SAMD5: variants seen among roughly 807,000 people sequenced by gnomAD.
SAMD5 encodes sterile alpha motif domain-containing protein 5.
In SAMD5, 13 loss-of-function variants were observed where a neutral mutation model predicts 11.3. The observed-to-expected ratio is 1.15, with a 90% CI of 0.75 to 1.83. The LOEUF is 1.83. SAMD5 is among the 40% of genes most tolerant of loss of function. The pLI is 0.00. For synonymous variants in SAMD5, 129 were observed against 111.3 expected (o/e 1.16, Z -1.00); for missense variants, 255 against 239.1 (o/e 1.07, Z -0.44).
chr6:147,681,454 C>T lies in SAMD5; in HGVS notation c.163-55863C>T, dbSNP rs573331096. On this transcript the variant is annotated intron_variant, in intron 1 of 1. Coordinates refer to the SAMD5 transcript ENST00000566741. ...TTGTTCCCTGTTTTCTTGTTTATAT[C>T]AAATATAGTTATAGTAACTCTTTTT... Among the ~76,000 whole-genome samples the T allele has an allele frequency of 3.9e-4, 59 of 152,130 alleles. 1 individual carries two copies. Among genetic ancestry groups the T allele is most frequent in the South Asian group, 2.1e-3 (10 of 4,812 alleles).
chr6:147,951,270 C>T, the SAMD5 span, among the ~76,000 whole-genome samples: 1 of 151,784 alleles, frequency 6.6e-6, no homozygotes, highest in African/African-American at 2.4e-5. Flanking sequence ...CAAGCTCCGC[C>T]TTCCGGGTTC....
chr6:147,934,642 G>A, the SAMD5 span, among the ~76,000 whole-genome samples: 1 of 152,082 alleles, frequency 6.6e-6, no homozygotes, highest in Non-Finnish European at 1.5e-5. Context: ...CAGTGGATGG[G>A]AAAGTGAGAG....
the SAMD5 span, among the ~76,000 whole-genome samples, chr6:147,803,332 C>T: frequency 1.6e-4 from 25 of 152,298 alleles, no homozygotes; most frequent in African/African-American, 6.0e-4. Context: ...AATATATCTT[C>T]AATTCACTCT....
At chr6:147,656,336 C>T (rs1024954946) in intron 1 of SAMD5, among the ~76,000 whole-genome samples, 2 of 152,004 alleles carry the variant, frequency 1.3e-5, no homozygotes, top group African/African-American at 2.4e-5. Context: ...AAATGTGGCT[C>T]CATAAAAATA....
downstream of SAMD5, chr6:147,741,452 G>A (rs1038401233): frequency 6.6e-6 from 1 of 152,126 alleles, no homozygotes; most frequent in Non-Finnish European, 1.5e-5. Flanking sequence ...GTAACATGTT[G>A]GTTTTATTAG....
chr6:147,666,728 G>C (rs560767734), intron 1 of SAMD5, among the ~76,000 whole-genome samples: 1 of 152,314 alleles, frequency 6.6e-6, no homozygotes, highest in Non-Finnish European at 1.5e-5. Context: ...ATACAGGGAA[G>C]TCATCATATT....
chr6:147,936,457 G>T, the SAMD5 span, among the ~76,000 whole-genome samples: 1 of 151,652 alleles, frequency 6.6e-6, no homozygotes, highest in East Asian at 2.0e-4. Flanking sequence ...GGTGGGGGAG[G>T]GGGAGGGATC....
the SAMD5 span, among the ~76,000 whole-genome samples, chr6:147,854,546 G>A: frequency 6.6e-6 from 1 of 152,104 alleles, no homozygotes; most frequent in South Asian, 2.1e-4. Context: ...AAACTGACTT[G>A]CTCTATTGTA....
chr6:147,753,011 G>A, the SAMD5 span, among the ~76,000 whole-genome samples: 1 of 152,170 alleles, frequency 6.6e-6, no homozygotes, highest in Non-Finnish European at 1.5e-5. Flanking sequence ...GCAGTAAACT[G>A]TCAGACTACA....
the SAMD5 span, among the ~76,000 whole-genome samples, chr6:147,789,278 A>C: frequency 2.3e-4 from 33 of 141,106 alleles, no homozygotes; most frequent in Non-Finnish European, 4.5e-4. Flanking sequence ...TCTCTAGAAA[A>C]ACACACACAC....
the SAMD5 span, among the ~76,000 whole-genome samples, chr6:147,926,813 A>C: frequency 2.6e-5 from 4 of 152,124 alleles, no homozygotes; most frequent in Non-Finnish European, 5.9e-5. Context: ...TGGATTTTAC[A>C]TTTAAGTCTT....
At chr6:147,745,870 A>G in the SAMD5 span, among the ~76,000 whole-genome samples, 6 of 146,124 alleles carry the variant, frequency 4.1e-5, no homozygotes, top group African/African-American at 1.5e-4. Flanking sequence ...CCTCCACCTC[A>G]CAGGCTCATT....
the SAMD5 span, among the ~76,000 whole-genome samples, chr6:147,795,325 T>C: frequency 6.9e-6 from 1 of 145,158 alleles, no homozygotes; most frequent in African/African-American, 2.7e-5. Flanking sequence ...GTTTGGTTTT[T>C]TGTCCTGGCG....
intron 1 of SAMD5, among the ~76,000 whole-genome samples, chr6:147,635,913 A>G (rs1790225068): frequency 6.6e-6 from 1 of 152,244 alleles, no homozygotes; most frequent in South Asian, 2.1e-4. Flanking sequence ...AGTGTTTGAT[A>G]TTACAAGCTG....
chr6:147,779,664 T>G, the SAMD5 span, among the ~76,000 whole-genome samples: 1 of 152,208 alleles, frequency 6.6e-6, no homozygotes. Context: ...AAATAATTGC[T>G]GAAGGTTTCA....
At chr6:147,627,087 CTTTAAG>C (rs2128450935) in intron 1 of SAMD5, among the ~76,000 whole-genome samples, 1 of 152,286 alleles carries the variant, frequency 6.6e-6, no homozygotes, top group Admixed American at 6.5e-5. Flanking sequence ...AGAGGAGAAG[CTTTAAG>C]TTTGATGTTG....
the SAMD5 span, among the ~76,000 whole-genome samples, chr6:147,927,082 G>T: frequency 0.37 from 56,277 of 151,944 alleles, 11,906 homozygotes; most frequent in African/African-American, 0.59. Flanking sequence ...TAGTATAGTT[G>T]GAAGTTGGGT....
chr6:147,921,377 C>T, the SAMD5 span, among the ~76,000 whole-genome samples: 6 of 151,528 alleles, frequency 4.0e-5, no homozygotes, highest in Non-Finnish European at 8.8e-5. Flanking sequence ...GAAACATGTT[C>T]GTATTAGAAT....
the SAMD5 span, among the ~76,000 whole-genome samples, chr6:147,796,879 G>T: frequency 6.7e-6 from 1 of 149,136 alleles, no homozygotes; most frequent in Non-Finnish European, 1.5e-5. Flanking sequence ...CTCTGTTGTT[G>T]GTGTATAGGA....
Sources: gnomAD v4.1 joint callset for allele counts (sites outside exome capture counted in the v4.1 genomes callset) on GRCh38, gnomAD v4.1.1 for gene constraint, MANE v1.5 for transcripts, NCBI Gene and HGNC (gene_info 2026-07-23, HGNC 2026-07-21) for gene names.